The following WWOX variants were observed in gnomAD, a reference collection of about 807,000 sequenced individuals.
WWOX encodes the protein WW domain containing oxidoreductase, also known as WW domain-containing oxidoreductase.
WWOX carries 69 observed loss-of-function variants against 46.2 expected under a neutral mutation model. The observed-to-expected ratio is 1.49, with a 90% CI of 1.23 to 1.82. The LOEUF is 1.82. Ranked by LOEUF, WWOX falls within the 40% of genes most tolerant of loss-of-function variation. WWOX has a pLI of 0.00. For synonymous variants in WWOX, 359 were observed against 202.6 expected, an observed-to-expected ratio of 1.77 and a Z score of -6.56; for missense variants, 919 against 542.6, an observed-to-expected ratio of 1.69 and a Z score of -6.89.
At chr16:79,054,043 C>A (rs2048217765) in intron 8 of WWOX, among the ~76,000 whole-genome samples, 1 of 151,866 alleles carries the variant, frequency 6.6e-6, no homozygotes, top group South Asian at 2.1e-4. Flanking sequence ...AATTTTATTA[C>A]CTCATTATAA....
At chr16:79,011,732 A>G (rs533967166) in intron 8 of WWOX, among the ~76,000 whole-genome samples, 2 of 151,922 alleles carry the variant, frequency 1.3e-5, no homozygotes, top group Non-Finnish European at 2.9e-5. Flanking sequence ...GGCTCAAGCT[A>G]TTCACCTGCT....
intron 8 of WWOX, among the ~76,000 whole-genome samples, chr16:79,035,330 G>T (rs1163060770): frequency 6.6e-6 from 1 of 152,136 alleles, no homozygotes; most frequent in Non-Finnish European, 1.5e-5. Context: ...CAAATCCAGG[G>T]GAGTTCTAGA....
At chr16:78,322,368 T>C (rs1211695303) in intron 5 of WWOX, among the ~76,000 whole-genome samples, 1 of 152,212 alleles carries the variant, frequency 6.6e-6, no homozygotes, top group African/African-American at 2.4e-5. Context: ...CTGAAGTTTT[T>C]CTTAAGGAAA....
At position 79,212,059 on chromosome 16, in the gene WWOX, C is replaced by A; in HGVS notation, c.*263C>A. The stretch of plus-strand genomic sequence containing the variant: ...TGGCCTGTTTGAAAGTAAAAACCTG[C>A]TTGGTGTGTAGGTTCCGTATCTCCC... On this transcript the variant is annotated 3_prime_UTR_variant, in exon 9 of 9. Transcript: ENST00000566780. 6.5e-7 allele frequency: 1 copy of A among 1,535,858 alleles called. No individual in the cohort carries two copies. Among genetic ancestry groups the A allele is most frequent in the African/African-American group, 1.4e-5 (1 of 72,980 alleles).
chr16:78,805,687 G>T (rs886707322), intron 8 of WWOX, among the ~76,000 whole-genome samples: 2 of 152,128 alleles, frequency 1.3e-5, no homozygotes, highest in African/African-American at 4.8e-5. Flanking sequence ...TCTTATTTGG[G>T]TGAAACATGG....
chr16:78,102,132 G>T (rs1404424587), intron 1 of WWOX, among the ~76,000 whole-genome samples: 1 of 152,134 alleles, frequency 6.6e-6, no homozygotes, highest in Non-Finnish European at 1.5e-5. Flanking sequence ...TGTTGCCCAG[G>T]CTGGTTTGAA....
intron 8 of WWOX, among the ~76,000 whole-genome samples, chr16:78,930,356 C>T (rs2045597214): frequency 6.6e-6 from 1 of 150,850 alleles, no homozygotes; most frequent in Admixed American, 6.6e-5. Flanking sequence ...TGGCTCACTG[C>T]AGCCTCAACC....
In WWOX at chr16:78,358,672, A is replaced by ATG. The variant is rs59222504; in HGVS notation, c.517-28166_517-28165dup. Among the ~76,000 whole-genome samples the ATG allele has an allele frequency of 7.9e-3, 1,194 of 151,370 alleles. 19 individuals are homozygous for ATG. The highest frequency in any genetic ancestry group is 0.025 in the African/African-American group (1,041 of 41,208). On this transcript the variant is annotated intron_variant, in intron 5 of 8. Transcript: ENST00000566780. ...GACTCCGTGTCAAAAAATAAATAAT[A>ATG]TGTGTGTGTGTGTGTGTGTGTGTAT...
At chr16:79,175,061 A>G (rs781298574) in intron 8 of WWOX, among the ~76,000 whole-genome samples, 3 of 152,204 alleles carry the variant, frequency 2.0e-5, no homozygotes, top group Non-Finnish European at 4.4e-5. Context: ...AATCTCTGCC[A>G]GTACAACCAC....
chr16:78,612,389 C>T (rs1189783467), intron 8 of WWOX, among the ~76,000 whole-genome samples: 1 of 152,210 alleles, frequency 6.6e-6, no homozygotes, highest in Non-Finnish European at 1.5e-5. Flanking sequence ...TTACGGCAGG[C>T]AGCGTGGCGT....
chr16:79,141,575 G>C (rs1481348873), intron 8 of WWOX, among the ~76,000 whole-genome samples: 1 of 152,212 alleles, frequency 6.6e-6, no homozygotes, highest in Non-Finnish European at 1.5e-5. Context: ...CTTTGTAGAA[G>C]GTCGAGTTCT....
intron 8 of WWOX, chr16:79,203,138 T>C (rs2150834736): frequency 6.6e-6 from 1 of 152,336 alleles, no homozygotes; most frequent in African/African-American, 2.4e-5. Flanking sequence ...GAAATATCTA[T>C]TGTTTCTCAT....
At chr16:78,199,741 A>G (rs1301541638) in intron 5 of WWOX, among the ~76,000 whole-genome samples, 1 of 152,172 alleles carries the variant, frequency 6.6e-6, no homozygotes. Context: ...CCCATAAAAA[A>G]AATCACATTT....
chr16:79,028,798 T>C (rs926012815), intron 8 of WWOX, among the ~76,000 whole-genome samples: 4 of 151,782 alleles, frequency 2.6e-5, no homozygotes, highest in Admixed American at 1.3e-4. Flanking sequence ...TTTGCTTACA[T>C]AGATGGAGGC....
intron 8 of WWOX, among the ~76,000 whole-genome samples, chr16:78,716,667 TGAC>T (rs1193129141): frequency 6.6e-6 from 1 of 151,918 alleles, no homozygotes; most frequent in Non-Finnish European, 1.5e-5. Context: ...GCTCCTTGGG[TGAC>T]ATCACACCCA....
At chr16:79,090,455 C>G (rs2048937264) in intron 8 of WWOX, among the ~76,000 whole-genome samples, 1 of 152,094 alleles carries the variant, frequency 6.6e-6, no homozygotes, top group Non-Finnish European at 1.5e-5. Context: ...CAGCAGTGAA[C>G]AAAGGAAATC....
intron 5 of WWOX, among the ~76,000 whole-genome samples, chr16:78,379,152 A>G (rs145303981): frequency 1.3e-5 from 2 of 152,334 alleles, no homozygotes; most frequent in Non-Finnish European, 2.9e-5. Context: ...CAAGCATGTC[A>G]TCAGTGCTTA....
intron 6 of WWOX, among the ~76,000 whole-genome samples, chr16:78,409,695 T>A (rs191818231): frequency 6.6e-6 from 1 of 152,312 alleles, no homozygotes; most frequent in East Asian, 1.9e-4. Flanking sequence ...ATGGTTCTCA[T>A]TGGGCTAAAA....
intron 8 of WWOX, among the ~76,000 whole-genome samples, chr16:78,893,468 C>G (rs1029966347): frequency 4.6e-5 from 7 of 152,158 alleles, no homozygotes; most frequent in Admixed American, 2.6e-4. Flanking sequence ...AGGAAACCAT[C>G]TCCAGGCTAG....
Sources: allele counts gnomAD v4.1 joint callset (sites outside exome capture counted in the v4.1 genomes callset), GRCh38; gene constraint gnomAD v4.1.1; transcripts MANE v1.5; gene names NCBI Gene and HGNC (gene_info 2026-07-23, HGNC 2026-07-21).